MRTFA: variants seen among roughly 807,000 people sequenced by gnomAD.
The protein encoded by MRTFA is myocardin-related transcription factor A.
MRTFA carries 20 observed loss-of-function variants against 83.5 expected under a neutral mutation model. The ratio of observed to expected loss-of-function variants is 0.24; its 90% CI spans 0.17 to 0.35. The LOEUF is 0.35. Ranked by LOEUF, MRTFA falls within the 10% of genes least tolerant of loss-of-function variation. MRTFA has a pLI of 1.00. For synonymous variants in MRTFA, 659 were observed against 541.2 expected (o/e 1.22, Z -3.02); for missense variants, 1,200 against 1,224.7 (o/e 0.98, Z 0.30).
At position 40,621,183 on chromosome 22, in the gene MRTFA, A is replaced by T. The variant is rs1333164346; in HGVS notation, c.-84+15295T>A. On this transcript the variant is annotated intron_variant, in intron 1 of 14. Transcript: ENST00000355630. ...GGTGACAGAGCGAGACTCTGTCTTT[A>T]AAAAAAAAAAAAAAAGAAGAAGAAG... 3.8e-5 allele frequency among the ~76,000 whole-genome samples: 5 copies of T among 130,030 alleles called. No homozygotes were observed. In the East Asian group the frequency reaches 6.1e-4, roughly 16 times the overall value. The allele number at this position is 130,030 out of a possible 152,430, so 85.3% of individuals were successfully genotyped here.
At chr22:40,415,674 A>T (rs1256002154) in intron 14 of MRTFA, among the ~76,000 whole-genome samples, 1 of 151,718 alleles carries the variant, frequency 6.6e-6, no homozygotes, top group African/African-American at 2.4e-5. Flanking sequence ...GGGTCCCCTC[A>T]CACAGACGCG....
At chr22:40,509,914 G>GA (rs201950953) in intron 3 of MRTFA, among the ~76,000 whole-genome samples, 11,668 of 58,200 alleles carry the variant, frequency 0.2, 624 homozygotes, top group East Asian at 0.39. Context: ...GGAGGAACAA[G>GA]AAAAAAAAAA....
At chr22:40,580,840 T>G (rs111287171) in intron 2 of MRTFA, among the ~76,000 whole-genome samples, 4 of 152,324 alleles carry the variant, frequency 2.6e-5, no homozygotes, top group South Asian at 4.1e-4. Flanking sequence ...CTGGAACTCC[T>G]GGGCTTAAGC....
chr22:40,497,037 G>A (rs1009578319), intron 3 of MRTFA, among the ~76,000 whole-genome samples: 5 of 152,208 alleles, frequency 3.3e-5, no homozygotes, highest in Admixed American at 3.3e-4. Context: ...TCAAGTACCA[G>A]GTGTTGTGGA....
chr22:40,596,237 G>A (rs551614418), intron 1 of MRTFA, among the ~76,000 whole-genome samples: 4 of 152,108 alleles, frequency 2.6e-5, no homozygotes, highest in Non-Finnish European at 5.9e-5. Context: ...AGATACAACT[G>A]AGGCTGAGTG....
intron 3 of MRTFA, among the ~76,000 whole-genome samples, chr22:40,534,307 T>C (rs1287464388): frequency 6.6e-6 from 1 of 152,196 alleles, no homozygotes; most frequent in Non-Finnish European, 1.5e-5. Context: ...CCAATTAAAA[T>C]ATCTGTTTCA....
intron 3 of MRTFA, among the ~76,000 whole-genome samples, chr22:40,487,352 T>C (rs571593298): frequency 5.9e-5 from 9 of 152,348 alleles, no homozygotes; most frequent in Admixed American, 2.0e-4. Flanking sequence ...ACAAAGCTAC[T>C]TTCATACGTA....
At chr22:40,498,873 T>C (rs961782957) in intron 3 of MRTFA, among the ~76,000 whole-genome samples, 4 of 152,214 alleles carry the variant, frequency 2.6e-5, no homozygotes, top group African/African-American at 9.6e-5. Flanking sequence ...TTAACCTCTC[T>C]AAGCTTTCAT....
chr22:40,499,705 G>A (rs1168207757), intron 3 of MRTFA, among the ~76,000 whole-genome samples: 1 of 151,966 alleles, frequency 6.6e-6, no homozygotes, highest in East Asian at 1.9e-4. Context: ...GACTCTGTAA[G>A]CAACACTGGT....
At chr22:40,454,764 CT>C in intron 4 of MRTFA, among the ~76,000 whole-genome samples, 1 of 152,244 alleles carries the variant, frequency 6.6e-6, no homozygotes, top group Middle Eastern at 3.4e-3. Flanking sequence ...CTAAGACTCT[CT>C]TTCTTTTGTT....
chr22:40,536,683 A>C (rs2055183363), intron 3 of MRTFA, among the ~76,000 whole-genome samples: 2 of 32,628 alleles, frequency 6.1e-5, no homozygotes, highest in South Asian at 9.5e-4. Flanking sequence ...AGCCGCCATC[A>C]CATCTAGGAA....
intron 3 of MRTFA, among the ~76,000 whole-genome samples, chr22:40,492,965 T>C (rs948642633): frequency 6.6e-6 from 1 of 152,228 alleles, no homozygotes. Flanking sequence ...AAAGACAATA[T>C]AGGCTCTTAA....
At chr22:40,594,983 CTTAAATA>C (rs1401672417) in intron 1 of MRTFA, among the ~76,000 whole-genome samples, 3 of 150,838 alleles carry the variant, frequency 2.0e-5, no homozygotes, top group Non-Finnish European at 4.4e-5. Flanking sequence ...GTTGCAAGTA[CTTAAATA>C]TTAAAACTAA....
At chr22:40,633,416 G>A (rs1017939390) in intron 1 of MRTFA, among the ~76,000 whole-genome samples, 1 of 152,132 alleles carries the variant, frequency 6.6e-6, no homozygotes, top group Non-Finnish European at 1.5e-5. Context: ...ATAATACAAC[G>A]ATCTTTGTTA....
At chr22:40,540,568 T>A (rs2055271781) in intron 3 of MRTFA, among the ~76,000 whole-genome samples, 1 of 151,858 alleles carries the variant, frequency 6.6e-6, no homozygotes, top group African/African-American at 2.4e-5. Context: ...GGTGGGTGGA[T>A]CAGGGGTTCG....
At chr22:40,620,169 A>G (rs1004466671) in intron 1 of MRTFA, among the ~76,000 whole-genome samples, 8 of 143,720 alleles carry the variant, frequency 5.6e-5, no homozygotes, top group Non-Finnish European at 1.1e-4. Context: ...CTTGTTGTCC[A>G]TGCTGGAGTG....
intron 2 of MRTFA, among the ~76,000 whole-genome samples, chr22:40,583,345 T>C (rs550588121): frequency 2.3e-4 from 35 of 152,322 alleles, no homozygotes; most frequent in African/African-American, 8.2e-4. Context: ...AACCTTATCT[T>C]TTCTAAAGCT....
intron 11 of MRTFA, among the ~76,000 whole-genome samples, chr22:40,419,912 G>A (rs1469889576): frequency 1.3e-5 from 2 of 152,170 alleles, no homozygotes; most frequent in Non-Finnish European, 2.9e-5. Context: ...CTCTTCCCAG[G>A]CAGACACTGC....
At chr22:40,441,732 A>G (rs922799150) in intron 4 of MRTFA, among the ~76,000 whole-genome samples, 6 of 151,786 alleles carry the variant, frequency 4.0e-5, no homozygotes, top group African/African-American at 1.5e-4. Flanking sequence ...GGTTGCAGTG[A>G]GCCGAGACCG....
Sources: allele counts gnomAD v4.1 joint callset (sites outside exome capture counted in the v4.1 genomes callset), GRCh38; gene constraint gnomAD v4.1.1; transcripts MANE v1.5; gene names NCBI Gene and HGNC (gene_info 2026-07-23, HGNC 2026-07-21).